The following KCNMA1 variants were observed in gnomAD, a reference collection of about 807,000 sequenced individuals.
KCNMA1 encodes the protein potassium calcium-activated channel subfamily M alpha 1, also known as Calcium-activated potassium channel subunit alpha-1.
In KCNMA1, 29 loss-of-function variants were observed where a neutral mutation model predicts 140.0. The ratio of observed to expected loss-of-function variants is 0.21; its 90% CI spans 0.15 to 0.28. KCNMA1 has a LOEUF of 0.28. Among genes scored for constraint, KCNMA1 ranks in the 10% least tolerant of loss-of-function variants. The probability of loss-of-function intolerance (pLI) is 1.00; values close to 1 mark genes in which losing one functional copy is unlikely to be tolerated. For missense variants in KCNMA1, 880 were observed against 1,602.2 expected (o/e 0.55, Z 7.70); for synonymous variants, 612 against 611.9 (o/e 1.00, Z 0.00).
intron 1 of KCNMA1, among the ~76,000 whole-genome samples, chr10:77,542,426 T>C (rs1339047234): frequency 6.6e-6 from 1 of 152,108 alleles, no homozygotes; most frequent in African/African-American, 2.4e-5. Flanking sequence ...CCACAGAATC[T>C]CAGCACTGGA....
intron 3 of KCNMA1, among the ~76,000 whole-genome samples, chr10:77,186,846 G>A (rs2098864739): frequency 6.6e-6 from 1 of 151,276 alleles, no homozygotes. Flanking sequence ...AGGATGGGGA[G>A]ATCTGTAGGT....
intron 1 of KCNMA1, among the ~76,000 whole-genome samples, chr10:77,577,094 A>G (rs904843055): frequency 6.8e-6 from 1 of 146,114 alleles, no homozygotes; most frequent in African/African-American, 2.5e-5. Context: ...GAGCCTACAC[A>G]CTCTCTTTTT....
intron 1 of KCNMA1, among the ~76,000 whole-genome samples, chr10:77,404,846 C>A (rs593572): frequency 0.55 from 84,039 of 151,992 alleles, 23,715 homozygotes; most frequent in East Asian, 0.71. Context: ...ATGATCCATG[C>A]CAAGCCAATA....
chr10:77,390,175 T>C (rs1197118423), intron 2 of KCNMA1, among the ~76,000 whole-genome samples: 2 of 152,216 alleles, frequency 1.3e-5, no homozygotes. Context: ...CCTCTATTTA[T>C]GGAGATGCTG....
At chr10:77,442,765 T>A (rs994720349) in intron 1 of KCNMA1, among the ~76,000 whole-genome samples, 1 of 152,092 alleles carries the variant, frequency 6.6e-6, no homozygotes, top group Non-Finnish European at 1.5e-5. Context: ...AGTTGTTGGT[T>A]TCTCCACGCT....
chr10:77,262,823 A>C (rs763987029), intron 2 of KCNMA1, among the ~76,000 whole-genome samples: 18 of 152,034 alleles, frequency 1.2e-4, no homozygotes, highest in Non-Finnish European at 2.2e-4. Context: ...CAGCCTGCAG[A>C]ACCATGAACC....
intron 5 of KCNMA1, among the ~76,000 whole-genome samples, chr10:77,131,325 G>T (rs745661573): frequency 5.3e-5 from 8 of 152,166 alleles, no homozygotes; most frequent in Non-Finnish European, 8.8e-5. Flanking sequence ...CACAAAACAG[G>T]CCAAGCACGG....
intron 2 of KCNMA1, among the ~76,000 whole-genome samples, chr10:77,316,361 G>C (rs948619233): frequency 2.0e-5 from 3 of 152,220 alleles, no homozygotes; most frequent in African/African-American, 7.2e-5. Flanking sequence ...AATGTCCTCA[G>C]GTTTGGGAAG....
intron 19 of KCNMA1, among the ~76,000 whole-genome samples, chr10:76,996,474 A>G (rs1293296002): frequency 6.6e-6 from 1 of 152,038 alleles, no homozygotes; most frequent in Admixed American, 6.5e-5. Flanking sequence ...CCGATCTGCC[A>G]CTCTGTTTTT....
At chr10:77,042,293 AT>A (rs1342726597) in intron 14 of KCNMA1, among the ~76,000 whole-genome samples, 2 of 152,194 alleles carry the variant, frequency 1.3e-5, no homozygotes, top group Non-Finnish European at 2.9e-5. Flanking sequence ...GATCTCAATA[AT>A]TTTTTTCGAA....
chr10:76,895,924 A>G (rs2042302418), intron 25 of KCNMA1, among the ~76,000 whole-genome samples: 1 of 152,162 alleles, frequency 6.6e-6, no homozygotes, highest in Non-Finnish European at 1.5e-5. Context: ...CACATGCTTC[A>G]AGGGCAACAA....
chr10:77,560,008 T>A (rs2065841612), intron 1 of KCNMA1, among the ~76,000 whole-genome samples: 1 of 150,028 alleles, frequency 6.7e-6, no homozygotes. Context: ...AAACCCTGTC[T>A]CTACTAAAAA....
At chr10:76,879,089 A>T (rs2151451959) in intron 29 of KCNMA1, among the ~76,000 whole-genome samples, 1 of 152,052 alleles carries the variant, frequency 6.6e-6, no homozygotes, top group African/African-American at 2.4e-5. Context: ...ACCTGGTTTG[A>T]TAGGGGGCGT....
At chr10:76,921,360 T>C (rs2055698651) in intron 23 of KCNMA1, among the ~76,000 whole-genome samples, 1 of 152,162 alleles carries the variant, frequency 6.6e-6, no homozygotes, top group South Asian at 2.1e-4. Context: ...ATGAGATGAA[T>C]TAAATTTCCT....
At chr10:77,614,945 T>C (rs778882297) in intron 1 of KCNMA1, among the ~76,000 whole-genome samples, 11 of 152,172 alleles carry the variant, frequency 7.2e-5, no homozygotes, top group African/African-American at 2.7e-4. Flanking sequence ...AAGCTTGAGA[T>C]AAAAGGGAGT....
intron 1 of KCNMA1, among the ~76,000 whole-genome samples, chr10:77,559,945 A>T (rs529694827): frequency 1.5e-4 from 23 of 152,258 alleles, no homozygotes; most frequent in Admixed American, 9.8e-4. Flanking sequence ...TGGGAGGCTG[A>T]AGCAGGTGGA....
At chr10:77,120,865 A>G in intron 6 of KCNMA1, 108 bp downstream of exon 6, 1 of 723,854 alleles carries the variant, frequency 1.4e-6, no homozygotes, top group South Asian at 1.5e-5. Flanking sequence ...TCTTTCTGTG[A>G]ATAATATAAC....
chr10:77,199,682 T>C (rs1381684310), intron 3 of KCNMA1, among the ~76,000 whole-genome samples: 3 of 152,164 alleles, frequency 2.0e-5, no homozygotes, highest in Non-Finnish European at 4.4e-5. Flanking sequence ...CAGTAGGCCT[T>C]GAGTGAGGAT....
At chr10:77,609,251 C>G (rs1304295695) in intron 1 of KCNMA1, among the ~76,000 whole-genome samples, 1 of 152,180 alleles carries the variant, frequency 6.6e-6, no homozygotes, top group Non-Finnish European at 1.5e-5. Context: ...CACAGTGGAA[C>G]ACTATTCAGC....
Sources: gnomAD v4.1 joint callset for allele counts (sites outside exome capture counted in the v4.1 genomes callset) on GRCh38, gnomAD v4.1.1 for gene constraint, MANE v1.5 for transcripts, NCBI Gene and HGNC (gene_info 2026-07-23, HGNC 2026-07-21) for gene names.